MACF1: variants seen among roughly 807,000 people sequenced by gnomAD.
MACF1 encodes microtubule actin crosslinking factor 1, also known as microtubule-actin cross-linking factor 1.
MACF1 carries 193 observed loss-of-function variants against 854.8 expected under a neutral mutation model. That is an observed-to-expected ratio of 0.23 (90% CI 0.20 to 0.25). The LOEUF is 0.25. MACF1 is among the 10% of genes least tolerant of loss of function. The probability of loss-of-function intolerance (pLI) is 1.00; values close to 1 mark genes in which losing one functional copy is unlikely to be tolerated. For synonymous variants in MACF1, 3,185 were observed against 3,226.7 expected (o/e 0.99, Z 0.44); for missense variants, 7,722 against 8,929.1 (o/e 0.86, Z 5.45).
chr1:39,286,749 C>T (rs753019171), intron 14 of MACF1, among the ~76,000 whole-genome samples: 12 of 151,978 alleles, frequency 7.9e-5, no homozygotes, highest in Non-Finnish European at 1.3e-4. Flanking sequence ...AGAGCCAAGA[C>T]TAGGACCCAC....
chr1:39,230,646 G>A (rs1294640725), intron 1 of MACF1, among the ~76,000 whole-genome samples: 3 of 152,132 alleles, frequency 2.0e-5, no homozygotes, highest in Non-Finnish European at 4.4e-5. Context: ...GGTAGAGAGG[G>A]AAGAGATGTG....
intron 18 of MACF1, 95 bp from the exon 19 acceptor site, chr1:39,294,951 A>G: frequency 1.2e-6 from 1 of 841,718 alleles, no homozygotes; most frequent in South Asian, 1.6e-5. Context: ...TCTATATTGT[A>G]GGTTCCTTTA....
chr1:39,473,585 C>A (rs972034351), intron 97 of MACF1, among the ~76,000 whole-genome samples: 1 of 152,202 alleles, frequency 6.6e-6, no homozygotes, highest in African/African-American at 2.4e-5. Flanking sequence ...ACTGACTCCT[C>A]ACTTTAACAC....
chr1:39,199,666 G>C (rs1644365412), intron 2 of MACF1, among the ~76,000 whole-genome samples: 2 of 152,168 alleles, frequency 1.3e-5, no homozygotes, highest in Admixed American at 1.3e-4. Flanking sequence ...TATAGTAGCT[G>C]CTTAATAAAT....
intron 58 of MACF1, among the ~76,000 whole-genome samples, chr1:39,404,149 G>GTAAGTAAATAAA (rs565389591): frequency 3.6e-4 from 53 of 148,536 alleles, no homozygotes; most frequent in African/African-American, 1.0e-3. Context: ...AAATAAGTAA[G>GTAAGTAAATAAA]TAAATAAATA....
Position 39,166,991 on chromosome 1 carries a change from C to T in MACF1, c.221-64191C>T, listed in dbSNP as rs558151185. ...TAAATCTTTCTTTTTGATGGAGTTT[C>T]GCTCTTGTCACCCAGGCTGCAGTGC... is the stretch of plus-strand genomic sequence containing the variant. On this transcript the variant is annotated intron_variant, in intron 2 of 93. Transcript: ENST00000361689. Among the ~76,000 whole-genome samples, 7 of 152,070 alleles carry T rather than the reference C, an allele frequency of 4.6e-5. No individual in the cohort carries two copies. In the South Asian group the frequency reaches 1.2e-3, roughly 27 times the overall value.
intron 1 of MACF1, chr1:39,206,876 A>G (rs946963247): frequency 5.3e-5 from 8 of 152,154 alleles, no homozygotes; most frequent in Admixed American, 3.3e-4. Flanking sequence ...TGCCAGTTGG[A>G]CATCACAGAA....
intron 2 of MACF1, among the ~76,000 whole-genome samples, chr1:39,153,311 G>A (rs1643620523): frequency 6.6e-6 from 1 of 152,080 alleles, no homozygotes; most frequent in African/African-American, 2.4e-5. Flanking sequence ...TCTCAGGTGG[G>A]GCTAGAATCT....
intron 65 of MACF1, among the ~76,000 whole-genome samples, 180 bp from the exon 66 acceptor site, chr1:39,430,522 A>G (rs941606666): frequency 3.8e-4 from 58 of 152,196 alleles, no homozygotes; most frequent in Non-Finnish European, 7.6e-4. Flanking sequence ...GCAAGCAACA[A>G]TGAAGTCTAA....
intron 1 of MACF1, among the ~76,000 whole-genome samples, chr1:39,225,398 A>G (rs1425023171): frequency 1.3e-5 from 2 of 150,914 alleles, no homozygotes; most frequent in African/African-American, 4.9e-5. Context: ...TTGTATTTTT[A>G]GTAGAGACAG....
intron 93 of MACF1, among the ~76,000 whole-genome samples, chr1:39,462,631 C>T (rs1161124632): frequency 6.6e-6 from 1 of 151,686 alleles, no homozygotes; most frequent in Non-Finnish European, 1.5e-5. Flanking sequence ...GGAAGGATCA[C>T]TTGAGCATGG....
intron 35 of MACF1, among the ~76,000 whole-genome samples, chr1:39,325,621 T>C (rs1404879805): frequency 6.6e-6 from 1 of 152,222 alleles, no homozygotes; most frequent in Non-Finnish European, 1.5e-5. Flanking sequence ...CCAGTGGACA[T>C]GCAAGAGGAG....
At chr1:39,398,286 A>G (rs1019020106) in intron 58 of MACF1, among the ~76,000 whole-genome samples, 3 of 151,968 alleles carry the variant, frequency 2.0e-5, no homozygotes, top group African/African-American at 7.2e-5. Flanking sequence ...TTACAGGTGC[A>G]TGCTGCCATT....
intron 2 of MACF1, among the ~76,000 whole-genome samples, chr1:39,244,329 T>A (rs926959967): frequency 1.3e-5 from 2 of 152,130 alleles, no homozygotes; most frequent in African/African-American, 4.8e-5. Flanking sequence ...TCACCCAGGT[T>A]GGAGTGCAGT....
chr1:39,269,001 C>CG (rs1331121561), intron 6 of MACF1: 4 of 1,287,108 alleles, frequency 3.1e-6, no homozygotes, highest in African/African-American at 1.5e-5. Context: ...GGTAGTCGAT[C>CG]GGGGGATGAT....
At chr1:39,321,693 G>T (rs966621405) in intron 31 of MACF1, among the ~76,000 whole-genome samples, 1 of 152,196 alleles carries the variant, frequency 6.6e-6, no homozygotes, top group African/African-American at 2.4e-5. Context: ...GCTTCTCAAA[G>T]TGTTGTCTTT....
intron 80 of MACF1, 69 bp from the exon 81 acceptor site, chr1:39,447,363 C>T (rs1324962530): frequency 2.0e-5 from 29 of 1,469,008 alleles, no homozygotes; most frequent in Non-Finnish European, 2.3e-5. Flanking sequence ...ATGCCTTTGT[C>T]GCTGAGCCTA....
Position 39,105,388 on chromosome 1 carries a change from T to C in MACF1, c.220+20950T>C. 1 of 982,244 alleles carries C rather than the reference T, an allele frequency of 1.0e-6. No individual in the cohort carries two copies. The allele number at this position is 982,244 out of a possible 1,614,324, so 60.8% of individuals were successfully genotyped here. A position where few individuals can be genotyped will look rare whatever the true frequency, so the allele number is the denominator to read the frequency against. On this transcript the variant is annotated intron_variant, in intron 2 of 93. Coordinates refer to the MACF1 transcript ENST00000361689. The surrounding 1 kb of genome is among the most constrained non-coding windows in gnomAD (Gnocchi z 5.9). ...CTGAGGGAGGAGCGGAGCCGAGGGGTGAGGACGCGGAAACGCGAGCCGGGA... is the reference window on the plus strand; with the variant it reads ...CTGAGGGAGGAGCGGAGCCGAGGGGCGAGGACGCGGAAACGCGAGCCGGGA...
chr1:39,334,403 T>C lies in MACF1; in HGVS notation c.7815T>C (p.Thr2605=), dbSNP rs755290959. 6.2e-7 allele frequency: 1 copy of C among 1,613,738 alleles called. No homozygotes were observed. Among genetic ancestry groups the C allele is most frequent in the East Asian group, 2.2e-5 (1 of 44,870 alleles). ...AAGCTAAAAAAGAAGGACTGTTAACTAATGAAGCAGTATTGTCTCCAGGAA... is the reference window on the plus strand; with the variant it reads ...AAGCTAAAAAAGAAGGACTGTTAACCAATGAAGCAGTATTGTCTCCAGGAA... ...LAEAKKEGLL[T]NEAVLSPGMM... is the part of the protein sequence containing the mutation. Residue 2605 remains threonine, a synonymous_variant, in exon 37 of 101, where the codon ACT becomes ACC. Transcript: ENST00000564288.
Sources: gnomAD v4.1 joint callset for allele counts (sites outside exome capture counted in the v4.1 genomes callset) on GRCh38, gnomAD v4.1.1 for gene constraint, Gnocchi (gnomAD v3.1) non-coding constraint, MANE v1.5 for transcripts, NCBI Gene and HGNC (gene_info 2026-07-23, HGNC 2026-07-21) for gene names.